Variants in VWA5A observed in about 807,000 individuals in gnomAD.
The protein encoded by VWA5A is von Willebrand factor A domain containing 5A, also known as von Willebrand factor A domain-containing protein 5A.
In VWA5A, 77 loss-of-function variants were observed where a neutral mutation model predicts 84.6. The ratio of observed to expected loss-of-function variants is 0.91; its 90% CI spans 0.76 to 1.10. The LOEUF (loss-of-function observed/expected upper bound fraction) is 1.10, where lower values mean the gene tolerates loss of function less well. Ranked by LOEUF, VWA5A falls within the 50% of genes least tolerant of loss-of-function variation. The pLI is 0.00. For missense variants in VWA5A, 973 were observed against 963.0 expected, an observed-to-expected ratio of 1.01 and a Z score of -0.14; for synonymous variants, 334 against 350.1, an observed-to-expected ratio of 0.95 and a Z score of 0.51.
intron 15 of VWA5A, 145 bp downstream of exon 15, chr11:124,137,413 T>G (rs1860630681): frequency 1.7e-6 from 2 of 1,149,518 alleles, no homozygotes; most frequent in South Asian, 3.7e-5. Flanking sequence ...TGGTTAGTGT[T>G]AAATTTTTCT....
chr11:124,129,751 A>G (rs1865070939), intron 11 of VWA5A, among the ~76,000 whole-genome samples: 1 of 151,796 alleles, frequency 6.6e-6, no homozygotes, highest in Non-Finnish European at 1.5e-5. Context: ...TTTCTTCTAG[A>G]TTTTCTAGTT....
At chr11:124,135,623 C>T (rs4375453) in intron 12 of VWA5A, among the ~76,000 whole-genome samples, 60,522 of 140,550 alleles carry the variant, frequency 0.43, 13,549 homozygotes, top group East Asian at 0.65. Flanking sequence ...CTCCGCCTCC[C>T]GGGTTCACGC....
intron 14 of VWA5A, 40 bp from the exon 15 acceptor site, chr11:124,136,975 C>T (rs1395772108): frequency 1.1e-5 from 17 of 1,593,992 alleles, no homozygotes; most frequent in Admixed American, 5.3e-5. Flanking sequence ...ATATGGATGT[C>T]TTTCCCTACA....
At chr11:124,124,400 T>C (rs1864985736) in intron 11 of VWA5A, 84 bp downstream of exon 11, 1 of 1,514,582 alleles carries the variant, frequency 6.6e-7, no homozygotes, top group African/African-American at 1.4e-5. Context: ...GGTGTTGACC[T>C]TCCTTCAAGA....
At chr11:124,136,331 G>C (rs370452130) in intron 13 of VWA5A, 38 bp downstream of exon 13, 35 of 1,597,118 alleles carry the variant, frequency 2.2e-5, no homozygotes, top group Non-Finnish European at 2.8e-5. Flanking sequence ...TAGTCAAAGA[G>C]CTACCACATG....
chr11:124,144,183 TA>T (rs970382939), intron 17 of VWA5A, among the ~76,000 whole-genome samples: 2 of 150,378 alleles, frequency 1.3e-5, no homozygotes, highest in African/African-American at 2.4e-5. Flanking sequence ...AACTTTTCAT[TA>T]AAAAAAAAGA....
Position 124,118,645 on chromosome 11 carries a change from G to A in VWA5A, c.582G>A (p.Lys194=), listed in dbSNP as rs760863992. 1.2e-5 allele frequency: 19 copies of A among 1,614,024 alleles called. No individual in the cohort carries two copies. In the Admixed American group the frequency reaches 2.7e-4, roughly 23 times the overall value. ...ATIDSQHGIE[K]VQSNCPLSPT... is the part of the protein sequence containing the mutation. The stretch of plus-strand genomic sequence containing the variant: ...TAGATTCCCAGCATGGCATTGAGAA[G>A]GTCCAATCCAACTGCCCCTTGAGTC... The change falls in exon 6 of 19, where the codon AAG becomes AAA. Residue 194 remains lysine (K), a synonymous_variant. Coordinates refer to ENST00000456829, the MANE Select transcript of VWA5A (RefSeq NM_001130142.2).
intron 7 of VWA5A, among the ~76,000 whole-genome samples, chr11:124,119,522 G>C (rs1864897381): frequency 6.6e-6 from 1 of 152,152 alleles, no homozygotes; most frequent in African/African-American, 2.4e-5. Flanking sequence ...GATAAATTTG[G>C]CCATATGTGT....
chr11:124,136,679 G>C lies in VWA5A; in HGVS notation c.1625+5G>C. The C allele has an allele frequency of 6.2e-7, 1 of 1,606,132 alleles. No homozygotes were observed. Among genetic ancestry groups the C allele is most frequent in the Non-Finnish European group, 8.5e-7 (1 of 1,174,708 alleles). On this transcript the variant is annotated splice_donor_5th_base_variant and intron_variant, in intron 14 of 18. Transcript: ENST00000456829. ...ACAACCCAAGCCTGATGTCAAGTGA[G>C]AATTCAGTTTTCCCTTCCTTCCTTC...
intron 15 of VWA5A, 122 bp downstream of exon 15, chr11:124,137,390 C>T: frequency 3.1e-6 from 4 of 1,304,050 alleles, no homozygotes; most frequent in Non-Finnish European, 4.1e-6. Context: ...TATACCTCCA[C>T]ATCTAGGATT....
intron 14 of VWA5A, 151 bp from the exon 15 acceptor site, chr11:124,136,864 A>G (rs1319986218): frequency 8.3e-7 from 1 of 1,206,012 alleles, no homozygotes. Context: ...TTTTCCTACA[A>G]TCATTTTTTA....
intron 7 of VWA5A, 119 bp downstream of exon 7, chr11:124,119,208 C>A: frequency 1.1e-6 from 1 of 905,516 alleles, no homozygotes; most frequent in Non-Finnish European, 1.7e-6. Flanking sequence ...ATGTGAAACA[C>A]TGAAATAGTT....
intron 13 of VWA5A, 74 bp from the exon 14 acceptor site, chr11:124,136,500 C>T (rs546597136): frequency 1.1e-4 from 163 of 1,504,042 alleles, no homozygotes; most frequent in East Asian, 6.3e-4. Flanking sequence ...TGGGTACCTG[C>T]CCCTGTTCTG....
chr11:124,144,673 A>G (rs528680937), intron 17 of VWA5A, among the ~76,000 whole-genome samples: 2 of 152,338 alleles, frequency 1.3e-5, no homozygotes, highest in East Asian at 1.9e-4. Context: ...GCGAAAACTC[A>G]TGGGAGACAA....
At position 124,129,233 on chromosome 11, in the gene VWA5A, A is replaced by T. The variant is rs541042387; in HGVS notation, c.1244+4917A>T. Among the ~76,000 whole-genome samples the T allele has an allele frequency of 6.6e-5, 10 of 152,280 alleles. No individual in the cohort carries two copies. In the South Asian group the frequency reaches 1.0e-3, roughly 16 times the overall value. On this transcript the variant is annotated intron_variant, in intron 11 of 18. Transcript: ENST00000456829. Reference sequence around the variant, plus strand: ...GAGGGCCTTTTCTGCATCTGTTGAGACAATCATGTGGGTTTTGTCATTGGT... The same window carrying T: ...GAGGGCCTTTTCTGCATCTGTTGAGTCAATCATGTGGGTTTTGTCATTGGT...
chr11:124,137,076 G>A lies in VWA5A; in HGVS notation c.1687G>A (p.Glu563Lys), dbSNP rs1232271554. ...LLQTKDMGLR[E>K]TPASDKKDAL... ...CCAGACCAAGGACATGGGCCTCAGGGAGACTCCAGCAAGTGATAAAAAAGA... is the reference window on the plus strand; with the variant it reads ...CCAGACCAAGGACATGGGCCTCAGGAAGACTCCAGCAAGTGATAAAAAAGA... Residue 563 changes from glutamate (E) to lysine (K), a missense_variant, in exon 15 of 19, where the codon GAG becomes AAG. Transcript: ENST00000456829. 1 of 1,613,400 alleles carries A rather than the reference G, an allele frequency of 6.2e-7. No homozygotes were observed. Among genetic ancestry groups the A allele is most frequent in the Non-Finnish European group, 8.5e-7 (1 of 1,179,892 alleles).
chr11:124,145,406 G>C (rs1591368587), intron 18 of VWA5A, 43 bp downstream of exon 18: 1 of 1,565,502 alleles, frequency 6.4e-7, no homozygotes. Context: ...CCCTTCCCTG[G>C]CCTGGCGGAA....
rs763030912 is a variant in VWA5A at position 124,137,002 on chromosome 11, T to C, written c.1626-13T>C. ...TTCCCTACATTTCAGTACTTTTTTT[T>C]TTTTCCTTTCAGCCTCACCATTCAC... On this transcript the variant is annotated splice_polypyrimidine_tract_variant and intron_variant, in intron 14 of 18. Coordinates refer to ENST00000456829, the MANE Select transcript of VWA5A (RefSeq NM_001130142.2). The C allele has an allele frequency of 6.2e-7, 1 of 1,603,428 alleles. No individual in the cohort carries two copies. Among genetic ancestry groups the C allele is most frequent in the Admixed American group, 1.7e-5 (1 of 57,378 alleles).
At chr11:124,117,413 T>C (rs189258685) in intron 2 of VWA5A, 84 bp from the exon 3 acceptor site, 1 of 1,281,048 alleles carries the variant, frequency 7.8e-7, no homozygotes, top group Non-Finnish European at 1.1e-6. Context: ...TGTATTCTTA[T>C]GCCAGAGAAA....
Sources: allele counts gnomAD v4.1 joint callset (sites outside exome capture counted in the v4.1 genomes callset), GRCh38; gene constraint gnomAD v4.1.1; transcripts MANE v1.5; gene names NCBI Gene and HGNC (gene_info 2026-07-23, HGNC 2026-07-21).